The following TTYH3 variants were observed in gnomAD, a reference collection of about 807,000 sequenced individuals.
TTYH3 encodes tweety family member 3, also known as protein tweety homolog 3.
Under a neutral mutation model 68.2 loss-of-function variants are expected in TTYH3, and 23 were observed. The ratio of observed to expected loss-of-function variants is 0.34; its 90% CI spans 0.24 to 0.48. The LOEUF (loss-of-function observed/expected upper bound fraction) is 0.48, where lower values mean the gene tolerates loss of function less well. Among genes scored for constraint, TTYH3 ranks in the 20% least tolerant of loss-of-function variants. The pLI is 0.99. For missense variants in TTYH3, 768 were observed against 727.7 expected (o/e 1.06, Z -0.64); for synonymous variants, 360 against 332.8 (o/e 1.08, Z -0.89).
intron 7 of TTYH3, among the ~76,000 whole-genome samples, chr7:2,650,223 G>T (rs1786129902): frequency 6.6e-6 from 1 of 152,212 alleles, no homozygotes; most frequent in South Asian, 2.1e-4. Context: ...AGGGGGAGCG[G>T]CAGGTGACCC....
chr7:2,643,354 C>CAAAA (rs34320575), intron 1 of TTYH3, among the ~76,000 whole-genome samples: 1 of 100,578 alleles, frequency 9.9e-6, no homozygotes. Flanking sequence ...GACTCTGTCT[C>CAAAA]AAAAAAAAAA....
intron 7 of TTYH3, 70 bp from the exon 8 acceptor site, chr7:2,652,117 C>G: frequency 7.3e-7 from 1 of 1,372,614 alleles, no homozygotes; most frequent in South Asian, 1.2e-5. Flanking sequence ...CGTGCAGACA[C>G]AGGCAGACGT....
At chr7:2,649,526 A>C in intron 5 of TTYH3, 41 bp from the exon 6 acceptor site, 1 of 1,546,346 alleles carries the variant, frequency 6.5e-7, no homozygotes, top group Non-Finnish European at 8.7e-7. Flanking sequence ...CACGGCCCCC[A>C]CCCTGGCCTG....
rs1481889127 is a variant in TTYH3, at chr7:2,652,906, T to C, written c.928-12T>C. 1 of 1,554,790 alleles carries C rather than the reference T, an allele frequency of 6.4e-7. No individual in the cohort carries two copies. Among genetic ancestry groups the C allele is most frequent in the South Asian group, 1.2e-5 (1 of 84,324 alleles). On this transcript the variant is annotated splice_polypyrimidine_tract_variant and intron_variant, in intron 8 of 13. Transcript: ENST00000258796. Reference sequence around the variant, plus strand: ...AGCAGCGCCCATGGACTTGGTCTCCTCTCTGGAGCAGAAGCTGTCGGGCAG... The same window carrying C: ...AGCAGCGCCCATGGACTTGGTCTCCCCTCTGGAGCAGAAGCTGTCGGGCAG...
chr7:2,651,665 C>T (rs1180184685), intron 7 of TTYH3, among the ~76,000 whole-genome samples: 1 of 152,282 alleles, frequency 6.6e-6, no homozygotes, highest in African/African-American at 2.4e-5. Context: ...GCTGGCTTCA[C>T]TGCACAGGCG....
rs1051999421 is a variant in TTYH3 at position 2,637,356 on chromosome 7, C to T, written c.123+5078C>T. Among the ~76,000 whole-genome samples, 12 of 152,154 alleles carry T rather than the reference C, an allele frequency of 7.9e-5. No individual in the cohort carries two copies. The South Asian group carries it at 8.3e-4, about 11-fold the overall frequency. On this transcript the variant is annotated intron_variant, in intron 1 of 13. Coordinates refer to ENST00000258796, the MANE Select transcript of TTYH3 (RefSeq NM_025250.3). ...GCTCTCCCCGGATGCTTGTGCTGCT[C>T]GTTTCTAAAGCACTTTTCTTGGAGA...
intron 11 of TTYH3, 74 bp downstream of exon 11, chr7:2,656,608 T>C: frequency 1.3e-6 from 2 of 1,524,326 alleles, no homozygotes; most frequent in Non-Finnish European, 1.8e-6. Flanking sequence ...GGGCATGCCT[T>C]TATGGACACC....
At chr7:2,656,301 G>T (rs530255343) in intron 10 of TTYH3, 97 bp from the exon 11 acceptor site, 23 of 1,565,330 alleles carry the variant, frequency 1.5e-5, no homozygotes, top group African/African-American at 2.7e-5. Context: ...CTGCCTCTGG[G>T]GGGCGGTCCA....
chr7:2,658,838 G>A (rs1384589639), intron 12 of TTYH3, 102 bp from the exon 13 acceptor site: 17 of 1,108,844 alleles, frequency 1.5e-5, no homozygotes, highest in Admixed American at 3.7e-5. Context: ...GAGAATGGAT[G>A]TGCCCATCTG....
chr7:2,640,843 A>G (rs1785821855), intron 1 of TTYH3, among the ~76,000 whole-genome samples: 1 of 152,168 alleles, frequency 6.6e-6, no homozygotes, highest in Non-Finnish European at 1.5e-5. Context: ...TTCTCCAAGC[A>G]GGGCTGGGTT....
chr7:2,650,749 A>G lies in TTYH3; in HGVS notation c.871+761A>G, dbSNP rs1786152328. ...TTGGAGGGAGGGAGGCAGGGGAGAG[A>G]TTTGACCCATGATTGAAGGTCCCTT... On this transcript the variant is annotated intron_variant, in intron 7 of 13. Coordinates refer to ENST00000258796, the MANE Select transcript of TTYH3 (RefSeq NM_025250.3). Among the ~76,000 whole-genome samples, 5 of 151,814 alleles carry G rather than the reference A, an allele frequency of 3.3e-5. No individual in the cohort carries two copies. The South Asian group carries it at 1.0e-3, about 32-fold the overall frequency.
At chr7:2,643,920 G>A (rs1364378074) in intron 1 of TTYH3, among the ~76,000 whole-genome samples, 1 of 152,212 alleles carries the variant, frequency 6.6e-6, no homozygotes, top group Non-Finnish European at 1.5e-5. Flanking sequence ...CCCAGATGTG[G>A]GGTGCAGTAC....
rs954549617 is a variant in TTYH3 at position 2,645,126 on chromosome 7, C to A, written c.124-1727C>A. ...GAGGGCCCCAGCTGCTGACACCCCC[C>A]AGGGCACCCCCAAGTTAGCCTCTAG... On this transcript the variant is annotated intron_variant, in intron 1 of 13. Coordinates refer to ENST00000258796, the MANE Select transcript of TTYH3 (RefSeq NM_025250.3). The surrounding 1 kb of genome is among the most constrained non-coding windows in gnomAD (Gnocchi z 4.8). 0.032 allele frequency among the ~76,000 whole-genome samples: 10 copies of A among 308 alleles called. 1 individual carries two copies. Among genetic ancestry groups the A allele is most frequent in the Admixed American group, 0.23 (6 of 26 alleles). 0.2% of individuals were successfully genotyped at this position (308 alleles called of 152,430 possible). A position where few individuals can be genotyped will look rare whatever the true frequency, so the allele number is the denominator to read the frequency against.
rs761286338 is a variant in TTYH3 at position 2,658,462 on chromosome 7, G to C, written c.1424+3G>C. 6.2e-7 allele frequency: 1 copy of C among 1,605,906 alleles called. No homozygotes were observed. Among genetic ancestry groups the C allele is most frequent in the Non-Finnish European group, 8.5e-7 (1 of 1,174,884 alleles). The stretch of plus-strand genomic sequence containing the variant: ...AACGCCCCGGTCACTGAGTACATGT[G>C]AGTTGACGTGGGCCTAGTGGGGCCA... On this transcript the variant is annotated splice_donor_region_variant and intron_variant, in intron 12 of 13. Transcript: ENST00000258796.
At chr7:2,652,324 C>T (rs979626233) in intron 8 of TTYH3, 82 bp downstream of exon 8, 49 of 1,261,660 alleles carry the variant, frequency 3.9e-5, no homozygotes, top group Non-Finnish European at 4.8e-5. Flanking sequence ...GCAGGCCTGG[C>T]GCCTGGCTCC....
chr7:2,632,410 C>T, intron 1 of TTYH3, 132 bp downstream of exon 1: 2 of 952,458 alleles, frequency 2.1e-6, no homozygotes, highest in Non-Finnish European at 1.5e-6. Context: ...CGGCCACCTC[C>T]TCCTCGCAGG....
intron 5 of TTYH3, 144 bp from the exon 6 acceptor site, chr7:2,649,423 G>A (rs745969563): frequency 1.3e-6 from 1 of 781,714 alleles, no homozygotes; most frequent in East Asian, 2.7e-5. Flanking sequence ...AGCTCTGGCT[G>A]AGGCCAGGCC....
intron 1 of TTYH3, among the ~76,000 whole-genome samples, chr7:2,640,408 G>A (rs904980227): frequency 3.9e-5 from 6 of 152,026 alleles, no homozygotes; most frequent in Admixed American, 2.0e-4. Context: ...GTGTGTGGGG[G>A]GGGACGTGTG....
Position 2,632,060 on chromosome 7 carries a change from C to T in TTYH3, c.-96C>T, listed in dbSNP as rs1057095114. 17 of 1,125,578 alleles carry T rather than the reference C, an allele frequency of 1.5e-5. No homozygotes were observed. The highest frequency in any genetic ancestry group is 1.9e-5 in the Non-Finnish European group (17 of 902,952). The allele number at this position is 1,125,578 out of a possible 1,614,324, so 69.7% of individuals were successfully genotyped here. On this transcript the variant is annotated 5_prime_UTR_variant, in exon 1 of 14. Transcript: ENST00000258796. ...AGGAGCGCGCGGATGATGCGGGCGG[C>T]CAGGCGGGGGTCGACGGGTCCCTGA...
Sources: allele counts gnomAD v4.1 joint callset (sites outside exome capture counted in the v4.1 genomes callset), GRCh38; gene constraint gnomAD v4.1.1; non-coding constraint Gnocchi (gnomAD v3.1); transcripts MANE v1.5; gene names NCBI Gene and HGNC (gene_info 2026-07-23, HGNC 2026-07-21).